The following CPA3 variants were observed in gnomAD, a reference collection of about 807,000 sequenced individuals.
CPA3 encodes carboxypeptidase A3.
In CPA3, 52 loss-of-function variants were observed where a neutral mutation model predicts 55.8. The ratio of observed to expected loss-of-function variants is 0.93; its 90% CI spans 0.75 to 1.17. CPA3 has a LOEUF of 1.17. CPA3 is among the 50% of genes most tolerant of loss of function. The pLI is 0.00. For synonymous variants in CPA3, 179 were observed against 171.2 expected (o/e 1.05, Z -0.36); for missense variants, 547 against 509.1 (o/e 1.07, Z -0.72).
Position 148,896,658 on chromosome 3 carries a change from T to G in CPA3, c.1205T>G (p.Met402Arg), listed in dbSNP as rs777998209. 6.4e-6 allele frequency: 10 copies of G among 1,566,974 alleles called. No individual in the cohort carries two copies. The East Asian group carries it at 2.3e-4, about 36-fold the overall frequency. The change falls in exon 11 of 11, where the codon ATG becomes AGG. Residue 402 changes from methionine (M) to arginine (R), a missense_variant. Coordinates refer to ENST00000296046, the MANE Select transcript of CPA3 (RefSeq NM_001870.4). ...SRIKPTCRET[M>R]LAVKFIAKYI... ...ATAAAGCCAACGTGCAGAGAGACCA[T>G]GCTAGCTGTCAAATTTATTGCCAAG...
intron 8 of CPA3, among the ~76,000 whole-genome samples, chr3:148,883,296 C>T (rs1714423556): frequency 6.6e-6 from 1 of 152,160 alleles, no homozygotes; most frequent in Non-Finnish European, 1.5e-5. Flanking sequence ...CGCATTAGAG[C>T]TGGGGTTGAA....
intron 5 of CPA3, among the ~76,000 whole-genome samples, chr3:148,879,028 TA>T (rs35739799): frequency 0.97 from 147,168 of 152,200 alleles, 71,183 homozygotes; most frequent in African/African-American, 0.99. Flanking sequence ...GTCTCTGGTA[TA>T]AAAAAAACCC....
chr3:148,873,249 T>C (rs1240911663), intron 3 of CPA3, among the ~76,000 whole-genome samples: 1 of 152,148 alleles, frequency 6.6e-6, no homozygotes, highest in Non-Finnish European at 1.5e-5. Flanking sequence ...AAACCATGCT[T>C]TTTGAATAGC....
chr3:148,888,572 A>G (rs1339144085), intron 10 of CPA3, among the ~76,000 whole-genome samples: 1 of 152,252 alleles, frequency 6.6e-6, no homozygotes, highest in Non-Finnish European at 1.5e-5. Context: ...CTAGAAGATC[A>G]GTTTAAAATG....
At chr3:148,877,746 T>TGG (rs1308567046) in intron 3 of CPA3, among the ~76,000 whole-genome samples, 3 of 152,214 alleles carry the variant, frequency 2.0e-5, no homozygotes, top group African/African-American at 7.2e-5. Flanking sequence ...AATGTACATA[T>TGG]GGAGGTCAGA....
intron 7 of CPA3, 63 bp downstream of exon 7, chr3:148,881,695 T>A: frequency 1.0e-6 from 1 of 1,000,786 alleles, no homozygotes; most frequent in East Asian, 2.6e-5. Context: ...TACACAATGT[T>A]ATGCATTCAG....
intron 2 of CPA3, among the ~76,000 whole-genome samples, chr3:148,867,389 CAT>C (rs772875384): frequency 3.0e-4 from 45 of 152,200 alleles, no homozygotes; most frequent in Admixed American, 3.9e-4. Flanking sequence ...CATTGGTTAA[CAT>C]GTGGGAAACA....
At chr3:148,884,107 A>T (rs542558733) in intron 9 of CPA3, among the ~76,000 whole-genome samples, 1 of 152,188 alleles carries the variant, frequency 6.6e-6, no homozygotes, top group Non-Finnish European at 1.5e-5. Flanking sequence ...TGTGGGGTTT[A>T]ACATTTACCA....
At chr3:148,882,634 G>A (rs764564236) in intron 8 of CPA3, 39 bp downstream of exon 8, 5 of 1,513,128 alleles carry the variant, frequency 3.3e-6, no homozygotes, top group Non-Finnish European at 4.6e-6. Flanking sequence ...ATTGCTATAA[G>A]GAATATTTAG....
chr3:148,870,411 GATTT>G (rs1455874023), intron 3 of CPA3, among the ~76,000 whole-genome samples: 5 of 152,212 alleles, frequency 3.3e-5, no homozygotes. Context: ...CCATAAACTT[GATTT>G]TATTTATGAT....
chr3:148,890,035 G>A (rs1217166238), intron 10 of CPA3, among the ~76,000 whole-genome samples: 4 of 151,898 alleles, frequency 2.6e-5, no homozygotes, highest in South Asian at 2.1e-4. Flanking sequence ...GTTGAGAATC[G>A]CTGATCTAAG....
chr3:148,877,819 A>T (rs1714248947), intron 3 of CPA3, among the ~76,000 whole-genome samples: 2 of 152,176 alleles, frequency 1.3e-5, no homozygotes, highest in Non-Finnish European at 2.9e-5. Flanking sequence ...ATTATTATTC[A>T]AGTTTCTCCC....
chr3:148,883,121 A>G (rs1015143330), intron 8 of CPA3, among the ~76,000 whole-genome samples: 5 of 152,222 alleles, frequency 3.3e-5, no homozygotes, highest in African/African-American at 1.2e-4. Flanking sequence ...CCCAATTTAT[A>G]TATTTCTTCT....
chr3:148,878,170 T>A (rs1459574691), intron 3 of CPA3, among the ~76,000 whole-genome samples: 1 of 152,242 alleles, frequency 6.6e-6, no homozygotes, highest in Non-Finnish European at 1.5e-5. Context: ...CATACAGCAA[T>A]CTACTCTTGG....
intron 10 of CPA3, among the ~76,000 whole-genome samples, chr3:148,892,872 T>C (rs1405424774): frequency 3.7e-5 from 2 of 54,064 alleles, no homozygotes; most frequent in Non-Finnish European, 9.8e-5. Context: ...GGAGAAGCAC[T>C]TGGACCTGGG....
At chr3:148,882,394 CTAGA>C (rs1378623572) in intron 7 of CPA3, 107 bp from the exon 8 acceptor site, 1 of 702,310 alleles carries the variant, frequency 1.4e-6, no homozygotes, top group Non-Finnish European at 2.4e-6. Context: ...CTCAAGTTAA[CTAGA>C]TAGATTTCAA....
chr3:148,870,710 T>C (rs1404657690), intron 3 of CPA3, among the ~76,000 whole-genome samples: 1 of 152,174 alleles, frequency 6.6e-6, no homozygotes, highest in African/African-American at 2.4e-5. Flanking sequence ...TTAACCCTTT[T>C]AACTTAATAT....
intron 2 of CPA3, 47 bp downstream of exon 2, chr3:148,865,595 A>G (rs1449062554): frequency 2.6e-6 from 4 of 1,516,504 alleles, no homozygotes; most frequent in Non-Finnish European, 3.6e-6. Flanking sequence ...GTTCTCTAAA[A>G]GATGCTTCTT....
chr3:148,873,800 G>T (rs533448906), intron 3 of CPA3, among the ~76,000 whole-genome samples: 2 of 152,238 alleles, frequency 1.3e-5, no homozygotes, highest in Admixed American at 1.3e-4. Context: ...AGCTGATAAT[G>T]GTACCCAGTT....
Sources: gnomAD v4.1 joint callset for allele counts (sites outside exome capture counted in the v4.1 genomes callset) on GRCh38, gnomAD v4.1.1 for gene constraint, MANE v1.5 for transcripts, NCBI Gene and HGNC (gene_info 2026-07-23, HGNC 2026-07-21) for gene names.